Variants in ETNPPL observed in about 807,000 individuals in gnomAD.
The protein encoded by ETNPPL is alanine--glyoxylate aminotransferase 2-like 1.
Under a neutral mutation model 55.5 loss-of-function variants are expected in ETNPPL, and 30 were observed. The ratio of observed to expected loss-of-function variants is 0.54; its 90% CI spans 0.40 to 0.73. The LOEUF is 0.73. Among genes scored for constraint, ETNPPL ranks in the 30% least tolerant of loss-of-function variants. ETNPPL has a pLI of 0.00. For synonymous variants in ETNPPL, 202 were observed against 207.2 expected, an observed-to-expected ratio of 0.98 and a Z score of 0.21; for missense variants, 528 against 607.9, an observed-to-expected ratio of 0.87 and a Z score of 1.38.
At chr4:108,750,232 G>A (rs1321325619) in intron 7 of ETNPPL, among the ~76,000 whole-genome samples, 1 of 152,096 alleles carries the variant, frequency 6.6e-6, no homozygotes, top group African/African-American at 2.4e-5. Flanking sequence ...TCAGTGGGCT[G>A]GGGAAAGCAG....
chr4:108,760,136 G>A (rs1380609321), intron 2 of ETNPPL, 52 bp downstream of exon 2: 2 of 1,327,658 alleles, frequency 1.5e-6, no homozygotes, highest in Non-Finnish European at 2.2e-6. Context: ...TTCCAAGTCA[G>A]CTTTACTCCA....
chr4:108,757,634 TA>T (rs902085798), intron 3 of ETNPPL, among the ~76,000 whole-genome samples: 26 of 152,048 alleles, frequency 1.7e-4, no homozygotes, highest in African/African-American at 5.6e-4. Flanking sequence ...TTTTTTAAAT[TA>T]AAAAAATAGA....
chr4:108,760,075 A>G, intron 2 of ETNPPL, 113 bp downstream of exon 2: 1 of 1,045,622 alleles, frequency 9.6e-7, no homozygotes, highest in South Asian at 1.5e-5. Context: ...CTACTGGCCC[A>G]CTCAGCAAAG....
chr4:108,749,545 C>CAA (rs5860943), intron 7 of ETNPPL, 82 bp from the exon 8 acceptor site: 906 of 817,568 alleles, frequency 1.1e-3, no homozygotes, highest in East Asian at 9.4e-3. Context: ...TTATTGAAGA[C>CAA]AAAAAAAAAA....
rs753837443 is a variant in ETNPPL at position 108,746,828 on chromosome 4, A to G, written c.1106T>C (p.Ile369Thr). The G allele has an allele frequency of 1.9e-6, 3 of 1,613,654 alleles. No homozygotes were observed. Among genetic ancestry groups the G allele is most frequent in the African/African-American group, 2.7e-5 (2 of 74,810 alleles). ...DIRGIGLFIG[I>T]DLVKDHLKRT... Reference sequence around the variant, plus strand: ...TTTCAGATGGTCCTTCACTAAATCAATTCCAATAAAAAGGCCAATGCCCCT... The same window carrying G: ...TTTCAGATGGTCCTTCACTAAATCAGTTCCAATAAAAAGGCCAATGCCCCT... Residue 369 changes from isoleucine to threonine, a missense_variant, in exon 10 of 13, where the codon ATT becomes ACT. By Grantham distance (89) the Ile-to-Thr change is moderately conservative. Transcript: ENST00000296486.
Position 108,745,087 on chromosome 4 carries a change from G to T in ETNPPL, c.1304-1231C>A, listed in dbSNP as rs1022153941. On this transcript the variant is annotated intron_variant, in intron 11 of 12. Coordinates refer to ENST00000296486, the MANE Select transcript of ETNPPL (RefSeq NM_031279.4). ...CGACAATATCTATCATTTTTATCAT[G>T]ATATGCTCTTCAACATGGTTTTACA... is the stretch of plus-strand genomic sequence containing the variant. Among the ~76,000 whole-genome samples the T allele has an allele frequency of 3.3e-5, 5 of 151,986 alleles. No homozygotes were observed. The East Asian group carries it at 9.7e-4, about 29-fold the overall frequency.
rs1182120966 is a variant in ETNPPL, at chr4:108,748,134, G to C, written c.953C>G (p.Ala318Gly). 6.3e-7 allele frequency: 1 copy of C among 1,594,622 alleles called. No homozygotes were observed. The highest frequency in any genetic ancestry group is 8.5e-7 in the Non-Finnish European group (1 of 1,174,084). ...NTYGGNPVSCAVGLAVLDIIE... is the reference protein window; with the variant it reads ...NTYGGNPVSCGVGLAVLDIIE... ...TATATCCAGGACAGCCAAACCAACAGCACAAGATACTGGATTTCCTCCATA... is the reference window on the plus strand; with the variant it reads ...TATATCCAGGACAGCCAAACCAACACCACAAGATACTGGATTTCCTCCATA... Residue 318 changes from alanine (A) to glycine (G), a missense_variant, in exon 9 of 13, where the codon GCT becomes GGT. Ala to Gly is a moderately conservative substitution (Grantham distance 60). Transcript: ENST00000296486.
At chr4:108,742,665 C>T in intron 12 of ETNPPL, 53 bp from the exon 13 acceptor site, 2 of 1,609,010 alleles carry the variant, frequency 1.2e-6, no homozygotes, top group Non-Finnish European at 1.7e-6. Flanking sequence ...AATCCAGCCT[C>T]CACAGGACTG....
At position 108,749,329 on chromosome 4, in the gene ETNPPL, G is replaced by A. The variant is rs199788025; in HGVS notation, c.836C>T (p.Pro279Leu). 13 of 1,613,964 alleles carry A rather than the reference G, an allele frequency of 8.1e-6. No homozygotes were observed. Among genetic ancestry groups the A allele is most frequent in the East Asian group, 2.2e-5 (1 of 44,856 alleles). Residue 279 changes from proline to leucine, a missense_variant, in exon 8 of 13, where the codon CCG (proline) becomes CTG (leucine). Transcript: ENST00000296486. Reference sequence around the variant, plus strand: ...TGCCACCGGGTGGCCGTTGCCCATCGGTTTTCCCATTGTGACGATGTCTGG... The same window carrying A: ...TGCCACCGGGTGGCCGTTGCCCATCAGTTTTCCCATTGTGACGATGTCTGG... ...FVPDIVTMGKPMGNGHPVACV... is the reference protein window; with the variant it reads ...FVPDIVTMGKLMGNGHPVACV...
chr4:108,761,360 A>T (rs1729500434), intron 1 of ETNPPL, among the ~76,000 whole-genome samples: 1 of 152,230 alleles, frequency 6.6e-6, no homozygotes, highest in Admixed American at 6.5e-5. Flanking sequence ...CTCAAATTTT[A>T]AAATTGCATA....
At chr4:108,757,847 A>C in intron 3 of ETNPPL, among the ~76,000 whole-genome samples, 1 of 150,166 alleles carries the variant, frequency 6.7e-6, no homozygotes, top group East Asian at 2.0e-4. Context: ...TCACCCTGTA[A>C]CCCCAACACT....
At chr4:108,747,914 G>C in intron 9 of ETNPPL, 91 bp downstream of exon 9, 5 of 1,094,594 alleles carry the variant, frequency 4.6e-6, no homozygotes, top group Non-Finnish European at 6.6e-6. Context: ...AGTTTTAATA[G>C]AGACGGGGTC....
At position 108,760,154 on chromosome 4, in the gene ETNPPL, T is replaced by C. The variant is rs759547217; in HGVS notation, c.175+34A>G. 5 of 1,414,778 alleles carry C rather than the reference T, an allele frequency of 3.5e-6. No homozygotes were observed. In the Admixed American group the frequency reaches 8.7e-5, roughly 25 times the overall value. The allele number at this position is 1,414,778 out of a possible 1,614,324, so 87.6% of individuals were successfully genotyped here. A position where few individuals can be genotyped will look rare whatever the true frequency, so the allele number is the denominator to read the frequency against. ...CAAGTCAGCTTTACTCCATGAACAT[T>C]TCCTCCAAAGCACTGCAAGGACAGG... On this transcript the variant is annotated intron_variant, in intron 2 of 12. Transcript: ENST00000296486.
intron 1 of ETNPPL, among the ~76,000 whole-genome samples, chr4:108,760,576 T>C (rs1729469267): frequency 1.3e-5 from 2 of 152,214 alleles, no homozygotes; most frequent in Admixed American, 1.3e-4. Flanking sequence ...ATCCACTCTC[T>C]GATGGTTCTA....
intron 3 of ETNPPL, among the ~76,000 whole-genome samples, chr4:108,759,288 C>T (rs1729387794): frequency 6.7e-6 from 1 of 149,190 alleles, no homozygotes; most frequent in Non-Finnish European, 1.5e-5. Flanking sequence ...GTAATCCCAG[C>T]TACTTGGGAG....
Position 108,756,445 on chromosome 4 carries a change from C to G in ETNPPL, c.383G>C (p.Gly128Ala). ...LALRLARQFR[G>A]HQDVITLDHA... ...GTCAAGAGTGATCACATCCTGGTGG[C>G]CTCTGAACTGCCGAGCCAGGCGTAA... Residue 128 changes from glycine to alanine, a missense_variant, in exon 4 of 13, where the codon GGC becomes GCC. Physicochemically the swap from Gly to Ala is moderately conservative, Grantham distance 60. Coordinates refer to ENST00000296486, the MANE Select transcript of ETNPPL (RefSeq NM_031279.4). 1 of 1,614,038 alleles carries G rather than the reference C, an allele frequency of 6.2e-7. No homozygotes were observed. The highest frequency in any genetic ancestry group is 8.5e-7 in the Non-Finnish European group (1 of 1,179,894).
In ETNPPL at chr4:108,753,033, G is replaced by A. The variant is rs138316049; in HGVS notation, c.502-22C>T. 2,168 of 1,395,516 alleles carry A rather than the reference G, an allele frequency of 1.6e-3. 22 individuals carry two copies. In the African/African-American group the frequency reaches 0.025, roughly 16 times the overall value. The allele number at this position is 1,395,516 out of a possible 1,614,324, so 86.4% of individuals were successfully genotyped here. On this transcript the variant is annotated intron_variant, in intron 5 of 12. Transcript: ENST00000296486. ...GTGCCTGAAAACATCAAATAATGCA[G>A]TTGCTTGTAATTTGCCTTTTCGACA...
chr4:108,752,058 G>A (rs530201770), intron 6 of ETNPPL, among the ~76,000 whole-genome samples: 5 of 152,252 alleles, frequency 3.3e-5, no homozygotes, highest in African/African-American at 1.2e-4. Flanking sequence ...AGAGCTTTAG[G>A]TCTACCTGCA....
chr4:108,749,184 A>C (rs1728771228), intron 8 of ETNPPL, 54 bp downstream of exon 8: 1 of 1,393,288 alleles, frequency 7.2e-7, no homozygotes. Flanking sequence ...CAAAAAATAT[A>C]AGAACATGCA....
Sources: gnomAD v4.1 joint callset for allele counts (sites outside exome capture counted in the v4.1 genomes callset) on GRCh38, gnomAD v4.1.1 for gene constraint, MANE v1.5 for transcripts, NCBI Gene and HGNC (gene_info 2026-07-23, HGNC 2026-07-21) for gene names.